Variants in RORA observed in about 807,000 individuals in gnomAD.
RORA encodes RAR related orphan receptor A.
Under a neutral mutation model 69.5 loss-of-function variants are expected in RORA, and 7 were observed. That is an observed-to-expected ratio of 0.10 (90% CI 0.06 to 0.19). RORA has a LOEUF of 0.19. Among genes scored for constraint, RORA ranks in the 10% least tolerant of loss-of-function variants. The pLI, the probability that RORA is intolerant of heterozygous loss-of-function variation, is 1.00. For synonymous variants in RORA, 261 were observed against 240.8 expected (o/e 1.08, Z -0.78); for missense variants, 457 against 663.0 (o/e 0.69, Z 3.41).
At chr15:60,569,334 C>A (rs930582788) in intron 2 of RORA, among the ~76,000 whole-genome samples, 60 of 150,564 alleles carry the variant, frequency 4.0e-4, no homozygotes, top group African/African-American at 1.4e-3. Context: ...GAGGCTGAGG[C>A]AGAAGGATCA....
At chr15:60,934,489 TTGTTG>T (rs1367169996) in intron 1 of RORA, among the ~76,000 whole-genome samples, 1 of 151,512 alleles carries the variant, frequency 6.6e-6, no homozygotes, top group African/African-American at 2.4e-5. Flanking sequence ...GTTGTTGTTG[TTGTTG>T]TTGTTTGTTT....
At chr15:60,819,437 C>T (rs1354609050) in intron 1 of RORA, among the ~76,000 whole-genome samples, 2 of 152,148 alleles carry the variant, frequency 1.3e-5, no homozygotes, top group African/African-American at 4.8e-5. Flanking sequence ...TACTAGGTAA[C>T]TTAGCCTTTT....
At chr15:60,971,793 T>C (rs969893534) in intron 1 of RORA, among the ~76,000 whole-genome samples, 1 of 152,224 alleles carries the variant, frequency 6.6e-6, no homozygotes, top group African/African-American at 2.4e-5. Context: ...TAAGAATGTT[T>C]AGGAGAGATG....
At chr15:60,639,470 T>C (rs1189157073) in intron 2 of RORA, among the ~76,000 whole-genome samples, 1 of 152,098 alleles carries the variant, frequency 6.6e-6, no homozygotes, top group Non-Finnish European at 1.5e-5. Context: ...TGCTCTACAG[T>C]GGATCTCCAC....
chr15:61,025,766 T>G lies in RORA; in HGVS notation c.166+203287A>C, dbSNP rs115553839. On this transcript the variant is annotated intron_variant, in intron 1 of 10. Coordinates refer to ENST00000335670, the MANE Select transcript of RORA (RefSeq NM_134261.3). ...AAATGAGTGGATGAAGAAAAAAGTTTGGAAGGAAAAAATAATCCTCCTCAC... is the reference window on the plus strand; with the variant it reads ...AAATGAGTGGATGAAGAAAAAAGTTGGGAAGGAAAAAATAATCCTCCTCAC... Among the ~76,000 whole-genome samples the G allele has an allele frequency of 6.7e-3, 1,027 of 152,326 alleles. 9 individuals carry two copies. Among genetic ancestry groups the G allele is most frequent in the African/African-American group, 0.024 (988 of 41,570 alleles).
At chr15:60,918,988 T>C (rs897041419) in intron 1 of RORA, among the ~76,000 whole-genome samples, 1 of 152,100 alleles carries the variant, frequency 6.6e-6, no homozygotes, top group Non-Finnish European at 1.5e-5. Flanking sequence ...CAAGAGAATA[T>C]AAGGAAGGCA....
intron 2 of RORA, among the ~76,000 whole-genome samples, chr15:60,664,125 A>G (rs758302335): frequency 3.3e-5 from 5 of 152,206 alleles, no homozygotes; most frequent in Non-Finnish European, 5.9e-5. Context: ...TCCCCTAGTG[A>G]AAATGAGAAC....
At chr15:60,978,131 T>TTCATCA (rs36048535) in intron 1 of RORA, among the ~76,000 whole-genome samples, 2 of 151,062 alleles carry the variant, frequency 1.3e-5, no homozygotes, top group Non-Finnish European at 3.0e-5. Context: ...TCTTATTTTC[T>TTCATCA]TCATCATCAT....
intron 1 of RORA, among the ~76,000 whole-genome samples, chr15:60,726,019 C>T (rs1056073776): frequency 1.1e-4 from 17 of 152,084 alleles, no homozygotes; most frequent in African/African-American, 3.9e-4. Context: ...AACTAGGTAC[C>T]AGGCTAAATG....
chr15:61,065,006 T>C (rs1431119771), intron 1 of RORA, among the ~76,000 whole-genome samples: 1 of 152,220 alleles, frequency 6.6e-6, no homozygotes, highest in Non-Finnish European at 1.5e-5. Context: ...AAGGAGAATC[T>C]TGAGTCCAAA....
At chr15:61,136,116 A>C (rs2140854419) in intron 1 of RORA, among the ~76,000 whole-genome samples, 1 of 151,744 alleles carries the variant, frequency 6.6e-6, no homozygotes, top group South Asian at 2.1e-4. Context: ...TTTATTTTCC[A>C]CTCTTCTTGA....
chr15:61,076,643 T>C (rs1217863246), intron 1 of RORA, among the ~76,000 whole-genome samples: 2 of 152,232 alleles, frequency 1.3e-5, no homozygotes, highest in Non-Finnish European at 2.9e-5. Context: ...TTGCACTTTT[T>C]AATTTTCAGT....
chr15:60,819,154 C>T (rs747884201), intron 1 of RORA, among the ~76,000 whole-genome samples: 11 of 152,192 alleles, frequency 7.2e-5, no homozygotes, highest in Non-Finnish European at 1.3e-4. Flanking sequence ...ACAGTCTTGT[C>T]TTTGATTTAT....
At chr15:60,741,080 A>G (rs2071569813) in intron 1 of RORA, among the ~76,000 whole-genome samples, 1 of 152,248 alleles carries the variant, frequency 6.6e-6, no homozygotes, top group African/African-American at 2.4e-5. Context: ...GCTCCAAGTC[A>G]GTGATAAACC....
chr15:61,032,215 T>A (rs1896207669), intron 1 of RORA, among the ~76,000 whole-genome samples: 1 of 152,228 alleles, frequency 6.6e-6, no homozygotes, highest in Non-Finnish European at 1.5e-5. Flanking sequence ...CATCACATTT[T>A]ACCAGTTGTG....
chr15:60,504,907 G>T (rs1705513918), intron 6 of RORA, among the ~76,000 whole-genome samples: 1 of 152,192 alleles, frequency 6.6e-6, no homozygotes, highest in African/African-American at 2.4e-5. Flanking sequence ...GTCTGGTCTT[G>T]ATGTTTCACT....
Position 60,927,774 on chromosome 15 carries a change from AAAAC to A in RORA, c.167-249092_167-249089del, listed in dbSNP as rs746418251. On this transcript the variant is annotated intron_variant, in intron 1 of 10. Coordinates refer to ENST00000335670, the MANE Select transcript of RORA (RefSeq NM_134261.3). The stretch of plus-strand genomic sequence containing the variant: ...GGGTGACAGAGGAAGACTCTGTCTC[AAAAC>A]AAACAAACAAACAAACAAAAAACAC... 3.9e-4 allele frequency among the ~76,000 whole-genome samples: 60 copies of A among 152,292 alleles called. 1 individual carries two copies. The highest frequency in any genetic ancestry group is 7.8e-4 in the Admixed American group (12 of 15,292).
chr15:61,110,162 G>A (rs1349064825), intron 1 of RORA, among the ~76,000 whole-genome samples: 2 of 152,170 alleles, frequency 1.3e-5, no homozygotes, highest in East Asian at 3.9e-4. Flanking sequence ...ACTTTGGGAG[G>A]CCAAGGTGGG....
intron 1 of RORA, among the ~76,000 whole-genome samples, chr15:60,697,929 A>G (rs11629812): frequency 0.72 from 110,107 of 151,988 alleles, 40,893 homozygotes; most frequent in Admixed American, 0.85. Flanking sequence ...AAGTTCCTAT[A>G]TAATAATGAG....
Sources: allele counts gnomAD v4.1 joint callset (sites outside exome capture counted in the v4.1 genomes callset), GRCh38; gene constraint gnomAD v4.1.1; transcripts MANE v1.5; gene names NCBI Gene and HGNC (gene_info 2026-07-23, HGNC 2026-07-21).